The following MAPK6 variants were observed in gnomAD, a reference collection of about 807,000 sequenced individuals.
MAPK6 encodes mitogen-activated protein kinase 6.
MAPK6 carries 19 observed loss-of-function variants against 59.3 expected under a neutral mutation model. That is an observed-to-expected ratio of 0.32 (90% confidence interval 0.22 to 0.47). The LOEUF is 0.47. Among genes scored for constraint, MAPK6 ranks in the 20% least tolerant of loss-of-function variants. The pLI is 1.00. For missense variants in MAPK6, 724 were observed against 847.9 expected, an observed-to-expected ratio of 0.85 and a Z score of 1.81; for synonymous variants, 316 against 290.3, an observed-to-expected ratio of 1.09 and a Z score of -0.90.
At chr15:51,975,620 A>G (rs1372479674) in intron 1 of MAPK6, among the ~76,000 whole-genome samples, 1 of 151,878 alleles carries the variant, frequency 6.6e-6, no homozygotes, top group Admixed American at 6.6e-5. Flanking sequence ...TAACACCTTA[A>G]CGACTTAGAG....
rs2032396614 is a variant in MAPK6 at position 52,065,745 on chromosome 15, CTTT to C, written c.*746_*748del. On this transcript the variant is annotated 3_prime_UTR_variant, in exon 6 of 6. Transcript: ENST00000261845. Reference sequence around the variant, plus strand: ...TTTTTAAAATTTATTTGCAAATATACTTTACTTTTTCCATTTGGCACTATGGTT... The same window carrying C: ...TTTTTAAAATTTATTTGCAAATATACACTTTTTCCATTTGGCACTATGGTT... 6.4e-4 allele frequency: 4 copies of C among 6,260 alleles called. No individual in the cohort carries two copies. Among genetic ancestry groups the C allele is most frequent in the African/African-American group, 1.8e-3 (3 of 1,634 alleles). The allele number at this position is 6,260 out of a possible 1,614,324, so 0.4% of individuals were successfully genotyped here.
intron 2 of MAPK6, among the ~76,000 whole-genome samples, chr15:51,996,699 T>G (rs1310952120): frequency 6.6e-6 from 1 of 151,744 alleles, no homozygotes; most frequent in African/African-American, 2.4e-5. Flanking sequence ...CCCGTCCTCC[T>G]CCTCCTTCTT....
chr15:52,051,058 T>C (rs945223343), intron 3 of MAPK6, among the ~76,000 whole-genome samples: 1 of 151,944 alleles, frequency 6.6e-6, no homozygotes, highest in African/African-American at 2.4e-5. Flanking sequence ...TCCCCCTCTA[T>C]ACCCATTTTT....
chr15:52,062,879 TTA>T (rs763712040), intron 5 of MAPK6, among the ~76,000 whole-genome samples: 2 of 149,156 alleles, frequency 1.3e-5, no homozygotes, highest in Non-Finnish European at 2.9e-5. Context: ...GGATGGTAGC[TTA>T]TAGAGTCATC....
chr15:52,012,755 G>A (rs959063231), intron 3 of MAPK6, among the ~76,000 whole-genome samples: 4 of 151,708 alleles, frequency 2.6e-5, no homozygotes, highest in South Asian at 4.2e-4. Flanking sequence ...TTGGGAGGCC[G>A]AGGTGGGCGG....
intron 1 of MAPK6, among the ~76,000 whole-genome samples, chr15:52,040,115 C>G (rs958136477): frequency 2.0e-5 from 3 of 152,210 alleles, no homozygotes; most frequent in Non-Finnish European, 4.4e-5. Context: ...AGCTGTAGCA[C>G]TTGGCCTTCT....
intron 3 of MAPK6, among the ~76,000 whole-genome samples, chr15:52,013,053 ATATATATT>A (rs2141834286): frequency 8.1e-6 from 1 of 123,906 alleles, no homozygotes; most frequent in South Asian, 2.6e-4. Context: ...ATATATATAT[ATATATATT>A]ACACAAGACT....
At chr15:52,055,493 G>A (rs937864171) in intron 3 of MAPK6, among the ~76,000 whole-genome samples, 1 of 152,166 alleles carries the variant, frequency 6.6e-6, no homozygotes, top group African/African-American at 2.4e-5. Flanking sequence ...TACTGCTGCT[G>A]CATGGATTAT....
chr15:52,063,570 C>G (rs1719526232), intron 5 of MAPK6, among the ~76,000 whole-genome samples: 1 of 17,226 alleles, frequency 5.8e-5, no homozygotes, highest in South Asian at 7.8e-4. Flanking sequence ...TCCTCCTCTT[C>G]TAGTTGCCCT....
At position 52,064,937 on chromosome 15, in the gene MAPK6, T is replaced by A. The variant is rs750899270; in HGVS notation, c.2103T>A (p.Ala701=). ...TACAGGCCACATTAACACCTTCTGC[T>A]ATGAAATCTTCCCCTCAAATTCCTC... is the stretch of plus-strand genomic sequence containing the variant. ...KSIQATLTPS[A]MKSSPQIPHQ... The change falls in exon 6 of 6, where the codon GCT becomes GCA. Residue 701 remains alanine (A), a synonymous_variant. Coordinates refer to ENST00000261845, the MANE Select transcript of MAPK6 (RefSeq NM_002748.4). 38 of 1,611,750 alleles carry A rather than the reference T, an allele frequency of 2.4e-5. No individual in the cohort carries two copies. The highest frequency in any genetic ancestry group is 3.2e-5 in the Non-Finnish European group (38 of 1,179,748).
intron 1 of MAPK6, among the ~76,000 whole-genome samples, chr15:51,979,596 CA>C (rs2057166939): frequency 6.6e-6 from 1 of 151,062 alleles, no homozygotes; most frequent in East Asian, 2.0e-4. Flanking sequence ...AGTTTGAGAC[CA>C]ACTTGGGAAA....
At chr15:52,001,788 C>T (rs999029400) in intron 2 of MAPK6, among the ~76,000 whole-genome samples, 18 of 152,072 alleles carry the variant, frequency 1.2e-4, no homozygotes, top group Admixed American at 1.3e-4. Context: ...GGATTATAGG[C>T]GTGATCCGCC....
At chr15:51,977,332 A>AT (rs2057160372) in intron 1 of MAPK6, among the ~76,000 whole-genome samples, 1 of 151,610 alleles carries the variant, frequency 6.6e-6, no homozygotes, top group Non-Finnish European at 1.5e-5. Context: ...TACTCACCAA[A>AT]CTATCATTAA....
intron 1 of MAPK6, among the ~76,000 whole-genome samples, chr15:51,979,827 T>C (rs953181320): frequency 2.0e-5 from 3 of 151,242 alleles, no homozygotes; most frequent in Middle Eastern, 3.5e-3. Context: ...TGAATATGTG[T>C]GTGTGTCTAG....
At chr15:52,027,360 A>AAAAAAAAAG (rs1354747253) in intron 1 of MAPK6, among the ~76,000 whole-genome samples, 2 of 148,492 alleles carry the variant, frequency 1.3e-5, no homozygotes, top group Non-Finnish European at 3.0e-5. Context: ...AAAAAAAAAA[A>AAAAAAAAAG]AAAAAAAAGA....
chr15:52,055,174 G>A (rs1412127450), intron 3 of MAPK6, among the ~76,000 whole-genome samples: 1 of 152,222 alleles, frequency 6.6e-6, no homozygotes, highest in Non-Finnish European at 1.5e-5. Context: ...TTTGGAGGCT[G>A]AGACCAGAGG....
In MAPK6 at chr15:52,045,061, A is replaced by T. The variant is rs967374983; in HGVS notation, c.-631-769A>T. ...TTTCTAATTTTCTTTACCAAAAAAA[A>T]ATGAGCATTTCTCTAGGGAGTTTAC... On this transcript the variant is annotated intron_variant, in intron 1 of 5. Coordinates refer to ENST00000261845, the MANE Select transcript of MAPK6 (RefSeq NM_002748.4). 9.9e-5 allele frequency among the ~76,000 whole-genome samples: 15 copies of T among 152,252 alleles called. 1 individual carries two copies. The East Asian group carries it at 2.3e-3, about 23-fold the overall frequency.
intron 1 of MAPK6, among the ~76,000 whole-genome samples, chr15:51,977,608 C>G (rs936046525): frequency 5.9e-5 from 9 of 151,938 alleles, no homozygotes; most frequent in African/African-American, 2.2e-4. Flanking sequence ...GTGATTACAG[C>G]TCACTGCAGC....
Position 52,064,735 on chromosome 15 carries a change from G to T in MAPK6, c.1901G>T (p.Ser634Ile). The change falls in exon 6 of 6, where the codon AGC becomes ATC. Residue 634 changes from serine to isoleucine, a missense_variant. By Grantham distance (142) the Ser-to-Ile change is moderately radical. Coordinates refer to ENST00000261845, the MANE Select transcript of MAPK6 (RefSeq NM_002748.4). The stretch of plus-strand genomic sequence containing the variant: ...ACTAGTTACTTGGACAAGTTCTTTA[G>T]CAGGAAAGAAGATACTGAAATGCTA... ...TYTSYLDKFFSRKEDTEMLET... is the reference protein window; with the variant it reads ...TYTSYLDKFFIRKEDTEMLET... 6.2e-7 allele frequency: 1 copy of T among 1,611,830 alleles called. No homozygotes were observed. The highest frequency in any genetic ancestry group is 8.5e-7 in the Non-Finnish European group (1 of 1,179,730).
Sources: allele counts gnomAD v4.1 joint callset (sites outside exome capture counted in the v4.1 genomes callset), GRCh38; gene constraint gnomAD v4.1.1; transcripts MANE v1.5; gene names NCBI Gene and HGNC (gene_info 2026-07-23, HGNC 2026-07-21).